The following FAT3 variants were observed in gnomAD, a reference collection of about 807,000 sequenced individuals.
FAT3 encodes protocadherin Fat 3.
A neutral mutation model predicts 310.2 loss-of-function variants in FAT3; 95 were observed. The observed-to-expected ratio is 0.31, with a 90% confidence interval of 0.26 to 0.36. FAT3 has a LOEUF of 0.36. Among genes scored for constraint, FAT3 ranks in the 10% least tolerant of loss-of-function variants. The probability of loss-of-function intolerance (pLI) is 1.00; values close to 1 mark genes in which losing one functional copy is unlikely to be tolerated. For synonymous variants in FAT3, 2,314 were observed against 2,192.9 expected, an observed-to-expected ratio of 1.06 and a Z score of -1.54; for missense variants, 5,408 against 5,715.6, an observed-to-expected ratio of 0.95 and a Z score of 1.74.
chr11:92,857,202 C>T lies in FAT3; in HGVS notation c.11366-12C>T. The T allele has an allele frequency of 3.1e-6, 5 of 1,613,894 alleles. No homozygotes were observed. The highest frequency in any genetic ancestry group is 1.1e-5 in the South Asian group (1 of 91,078). On this transcript the variant is annotated splice_polypyrimidine_tract_variant and intron_variant, in intron 19 of 27. Transcript: ENST00000525166. ...TTGTGTACTGATCATGCATATTCCA[C>T]CTTTGTCACAGGAGGACTGTGTCCG...
intron 13 of FAT3, among the ~76,000 whole-genome samples, chr11:92,829,943 A>G (rs1290824434): frequency 6.6e-6 from 1 of 152,134 alleles, no homozygotes; most frequent in Non-Finnish European, 1.5e-5. Context: ...GAAATTGTAC[A>G]TTGGGAAAGT....
intron 3 of FAT3, among the ~76,000 whole-genome samples, chr11:92,612,029 A>G (rs1433753254): frequency 2.0e-5 from 3 of 152,240 alleles, no homozygotes; most frequent in African/African-American, 4.8e-5. Context: ...ATAAGATAAT[A>G]CATAAACAGT....
chr11:92,413,518 T>C (rs74428470), intron 2 of FAT3, among the ~76,000 whole-genome samples: 3,859 of 152,274 alleles, frequency 0.025, 179 homozygotes, highest in African/African-American at 0.088. Flanking sequence ...TGTGTTCTTA[T>C]CATTTTCTTG....
At chr11:92,863,700 T>C (rs1178662367) in intron 21 of FAT3, among the ~76,000 whole-genome samples, 1 of 152,242 alleles carries the variant, frequency 6.6e-6, no homozygotes, top group Non-Finnish European at 1.5e-5. Context: ...AAAGCTTCAT[T>C]CTCTTAAAGA....
chr11:92,670,253 A>G (rs1827468092), intron 3 of FAT3, among the ~76,000 whole-genome samples: 1 of 152,162 alleles, frequency 6.6e-6, no homozygotes, highest in Middle Eastern at 3.4e-3. Context: ...TGTGATAGGG[A>G]GGTTTTATTG....
intron 4 of FAT3, among the ~76,000 whole-genome samples, chr11:92,738,311 C>G (rs1945409194): frequency 6.6e-6 from 1 of 152,088 alleles, no homozygotes; most frequent in Admixed American, 6.6e-5. Context: ...TTTAAAACAC[C>G]AGGTTCCCCA....
At chr11:92,279,745 T>C (rs182539421) in intron 1 of FAT3, among the ~76,000 whole-genome samples, 139 of 152,292 alleles carry the variant, frequency 9.1e-4, no homozygotes, top group African/African-American at 3.3e-3. Flanking sequence ...ATGTTGCTGC[T>C]AACAAGTCAC....
At chr11:92,444,172 G>T (rs769843151) in intron 2 of FAT3, among the ~76,000 whole-genome samples, 2 of 152,116 alleles carry the variant, frequency 1.3e-5, no homozygotes, top group African/African-American at 2.4e-5. Context: ...CTGGGGAGGG[G>T]TGGTGGTTGT....
At chr11:92,235,944 G>A (rs779449325) in intron 1 of FAT3, among the ~76,000 whole-genome samples, 12 of 152,172 alleles carry the variant, frequency 7.9e-5, no homozygotes, top group African/African-American at 2.9e-4. Context: ...TTTGCATGGC[G>A]TTTGATGTTC....
chr11:92,783,285 G>A (rs1185501737), intron 7 of FAT3, among the ~76,000 whole-genome samples: 1 of 146,274 alleles, frequency 6.8e-6, no homozygotes, highest in Non-Finnish European at 1.5e-5. Context: ...TTGAATCTGG[G>A]AGGCAGAGGT....
At chr11:92,587,384 C>G (rs1224802600) in intron 3 of FAT3, among the ~76,000 whole-genome samples, 1 of 151,906 alleles carries the variant, frequency 6.6e-6, no homozygotes, top group Non-Finnish European at 1.5e-5. Context: ...GATCAATATT[C>G]TTGTAAACGA....
chr11:92,734,774 G>T (rs1945293209), intron 4 of FAT3, among the ~76,000 whole-genome samples: 1 of 152,128 alleles, frequency 6.6e-6, no homozygotes, highest in Non-Finnish European at 1.5e-5. Context: ...AGTAGGCACA[G>T]CGTGTATGTT....
At chr11:92,621,755 C>T (rs1174887584) in intron 3 of FAT3, among the ~76,000 whole-genome samples, 3 of 152,090 alleles carry the variant, frequency 2.0e-5, no homozygotes, top group Non-Finnish European at 2.9e-5. Flanking sequence ...TGCTTGAATT[C>T]GTATATTAAG....
rs372530774 is a variant in FAT3 at position 92,798,433 on chromosome 11, G to A, written c.5420G>A (p.Arg1807Gln). The A allele has an allele frequency of 7.1e-5, 115 of 1,613,176 alleles. No homozygotes were observed. In the African/African-American group the frequency reaches 8.9e-4, roughly 13 times the overall value. The change falls in exon 10 of 28, where the codon CGG (arginine) becomes CAG (glutamine). Residue 1807 changes from arginine to glutamine, a missense_variant. Arg to Gln is a conservative substitution (Grantham distance 43). Coordinates refer to ENST00000525166, the MANE Select transcript of FAT3 (RefSeq NM_001367949.2). ...CGAGCCACAGATGCTGACAGCAACC[G>A]GAATGCTCTGCTTGTGTATCAGATT... ...VIRATDADSN[R>Q]NALLVYQIVE...
intron 17 of FAT3, among the ~76,000 whole-genome samples, chr11:92,840,295 T>A (rs1948505100): frequency 6.6e-6 from 1 of 152,176 alleles, no homozygotes; most frequent in African/African-American, 2.4e-5. Flanking sequence ...CAGCTCCAAG[T>A]CCTTGTGTTC....
intron 3 of FAT3, among the ~76,000 whole-genome samples, chr11:92,635,587 A>C (rs1389507923): frequency 1.3e-5 from 2 of 152,144 alleles, no homozygotes; most frequent in African/African-American, 2.4e-5. Context: ...ATTTAAATTG[A>C]CTTTGAAGCA....
intron 2 of FAT3, among the ~76,000 whole-genome samples, chr11:92,368,677 G>A (rs545570091): frequency 2.6e-5 from 4 of 152,002 alleles, no homozygotes; most frequent in South Asian, 4.2e-4. Context: ...TGTAATTCTA[G>A]TGCCACCCAC....
In FAT3 at chr11:92,799,633, G is replaced by A; in HGVS notation, c.6620G>A (p.Ser2207Asn). The A allele has an allele frequency of 6.2e-7, 1 of 1,613,750 alleles. No individual in the cohort carries two copies. The highest frequency in any genetic ancestry group is 8.5e-7 in the Non-Finnish European group (1 of 1,179,814). The change falls in exon 10 of 28, where the codon AGC (serine) becomes AAC (asparagine). Residue 2207 changes from serine (S) to asparagine (N), a missense_variant. Around this residue, in one of 5 missense-constraint regions of FAT3, gnomAD observed 4,588 missense variants for 4,809.8 expected, o/e 0.95. Coordinates refer to ENST00000525166, the MANE Select transcript of FAT3 (RefSeq NM_001367949.2). ...EDIRMNTPIL[S>N]INATSPEGQG... ...ATCAGAATGAACACACCCATCCTAA[G>A]CATCAATGCCACCAGTCCAGAAGGC...
At chr11:92,588,528 A>G (rs968489138) in intron 3 of FAT3, among the ~76,000 whole-genome samples, 3 of 152,098 alleles carry the variant, frequency 2.0e-5, no homozygotes, top group Admixed American at 6.6e-5. Context: ...GGAGGCTTAC[A>G]ATAATAGTCC....
Sources: allele counts gnomAD v4.1 joint callset (sites outside exome capture counted in the v4.1 genomes callset), GRCh38; gene constraint gnomAD v4.1.1; regional missense constraint gnomAD v4.1.1; transcripts MANE v1.5; gene names NCBI Gene and HGNC (gene_info 2026-07-23, HGNC 2026-07-21).